The following STAT3 variants were observed in gnomAD, a reference collection of about 807,000 sequenced individuals.
STAT3 encodes the protein signal transducer and activator of transcription 3.
In STAT3, 7 loss-of-function variants were observed where a neutral mutation model predicts 114.3. The ratio of observed to expected loss-of-function variants is 0.06; its 90% CI spans 0.03 to 0.11. STAT3 has a LOEUF of 0.11. STAT3 is among the 10% of genes least tolerant of loss of function. The pLI, the probability that STAT3 is intolerant of heterozygous loss-of-function variation, is 1.00. For missense variants in STAT3, 364 were observed against 960.9 expected (o/e 0.38, Z 8.21); for synonymous variants, 331 against 354.5 (o/e 0.93, Z 0.74).
chr17:42,325,284 C>T (rs1027348636), intron 15 of STAT3: 13 of 533,138 alleles, frequency 2.4e-5, no homozygotes, highest in African/African-American at 1.5e-4. Context: ...CGGAATATAC[C>T]GGTCCCTTGT....
chr17:42,372,591 G>C (rs1171142283), intron 1 of STAT3, among the ~76,000 whole-genome samples: 1 of 152,182 alleles, frequency 6.6e-6, no homozygotes, highest in African/African-American at 2.4e-5. Flanking sequence ...TTCTAGGGCA[G>C]TAAAACTATT....
chr17:42,350,455 A>T (rs956021759), intron 1 of STAT3, among the ~76,000 whole-genome samples: 19 of 152,146 alleles, frequency 1.2e-4, no homozygotes, highest in South Asian at 4.1e-4. Flanking sequence ...TAATTTTTTT[A>T]AAAAAATTTT....
intron 4 of STAT3, 169 bp downstream of exon 4, chr17:42,345,390 G>A (rs1490452935): frequency 4.2e-5 from 27 of 635,888 alleles, no homozygotes; most frequent in Non-Finnish European, 7.2e-5. Flanking sequence ...TGTATTTTGG[G>A]GGGTGGAACT....
intron 1 of STAT3, 109 bp from the exon 2 acceptor site, chr17:42,348,648 T>C: frequency 1.6e-6 from 2 of 1,267,076 alleles, no homozygotes. Context: ...GGGATAAAGA[T>C]GCTCTGGGGA....
At chr17:42,338,679 A>C (rs2082319845) in intron 6 of STAT3, 52 bp downstream of exon 6, 1 of 1,549,196 alleles carries the variant, frequency 6.5e-7, no homozygotes, top group Non-Finnish European at 8.9e-7. Context: ...CTTTCAACTC[A>C]ACAACACAAA....
intron 2 of STAT3, among the ~76,000 whole-genome samples, chr17:42,348,159 C>A (rs968228168): frequency 1.3e-5 from 2 of 152,192 alleles, no homozygotes; most frequent in African/African-American, 4.8e-5. Flanking sequence ...AAGACATCCA[C>A]CACCATACAG....
chr17:42,324,355 A>G lies in STAT3; in HGVS notation c.1600+356T>C, dbSNP rs1203260815. 6.6e-6 allele frequency among the ~76,000 whole-genome samples: 1 copy of G among 152,052 alleles called. No individual in the cohort carries two copies. Among genetic ancestry groups the G allele is most frequent in the Non-Finnish European group, 1.5e-5 (1 of 68,004 alleles). ...AAATAAATAAAATAAGACAAAAAAA[A>G]CCAACTAGCCTATAGTTTATTAAAA... On this transcript the variant is annotated intron_variant, in intron 17 of 23. Coordinates refer to ENST00000264657, the MANE Select transcript of STAT3 (RefSeq NM_139276.3). This position sits in a 1 kb window ranked among gnomAD's most constrained non-coding sequence, Gnocchi z 4.5.
chr17:42,377,343 C>T (rs1474261271), intron 1 of STAT3, among the ~76,000 whole-genome samples: 2 of 152,032 alleles, frequency 1.3e-5, no homozygotes, highest in Non-Finnish European at 2.9e-5. Context: ...CACAGCCTCC[C>T]GAGTAGCTGG....
At chr17:42,346,448 T>C in intron 3 of STAT3, 121 bp downstream of exon 3, 1 of 1,452,284 alleles carries the variant, frequency 6.9e-7, no homozygotes, top group South Asian at 1.2e-5. Flanking sequence ...CTCCTGTGAT[T>C]GAAAATACAA....
intron 1 of STAT3, among the ~76,000 whole-genome samples, chr17:42,371,356 G>A (rs566205622): frequency 2.6e-5 from 4 of 152,048 alleles, no homozygotes; most frequent in Non-Finnish European, 5.9e-5. Flanking sequence ...TCATCACAGC[G>A]GCTAACACGT....
chr17:42,357,533 A>G (rs1007540331), intron 1 of STAT3, among the ~76,000 whole-genome samples: 4 of 152,128 alleles, frequency 2.6e-5, no homozygotes, highest in Admixed American at 2.0e-4. Context: ...TTAGCCAGGC[A>G]TGGTGAAATA....
intron 4 of STAT3, among the ~76,000 whole-genome samples, chr17:42,340,383 T>TG (rs1471580319): frequency 2.7e-5 from 4 of 149,898 alleles, no homozygotes; most frequent in African/African-American, 9.8e-5. Context: ...ATTACAGGCT[T>TG]GGGCTAGGCA....
intron 1 of STAT3, among the ~76,000 whole-genome samples, chr17:42,352,068 C>T (rs1367529918): frequency 6.6e-6 from 1 of 151,976 alleles, no homozygotes; most frequent in Non-Finnish European, 1.5e-5. Context: ...AGGCTGGGCA[C>T]GGTGGCTCAC....
intron 1 of STAT3, among the ~76,000 whole-genome samples, chr17:42,379,374 G>A (rs2084649567): frequency 6.6e-6 from 1 of 152,160 alleles, no homozygotes; most frequent in African/African-American, 2.4e-5. Context: ...ACACTGTTCT[G>A]AATACAGATT....
intron 1 of STAT3, among the ~76,000 whole-genome samples, chr17:42,352,364 C>T (rs377386022): frequency 6.6e-6 from 1 of 152,020 alleles, no homozygotes; most frequent in Non-Finnish European, 1.5e-5. Context: ...TACTTGCCAC[C>T]TTCCACCCTA....
intron 1 of STAT3, among the ~76,000 whole-genome samples, chr17:42,358,916 T>G (rs1253063673): frequency 6.7e-6 from 1 of 148,536 alleles, no homozygotes; most frequent in Non-Finnish European, 1.5e-5. Flanking sequence ...GGGTCTCCCT[T>G]TCATGGACAT....
chr17:42,381,367 C>T (rs546530911), intron 1 of STAT3, among the ~76,000 whole-genome samples: 12 of 152,184 alleles, frequency 7.9e-5, no homozygotes, highest in South Asian at 6.2e-4. Flanking sequence ...GCCGGATCGT[C>T]GAAGCATTAT....
intron 21 of STAT3, 170 bp from the exon 22 acceptor site, chr17:42,317,394 C>T: frequency 1.4e-6 from 1 of 737,010 alleles, no homozygotes; most frequent in East Asian, 2.7e-5. Flanking sequence ...CTCATTTATA[C>T]TATTTGATCT....
In STAT3 at chr17:42,316,771, T is replaced by C. The variant is rs1329100311; in HGVS notation, c.2257+18A>G. On this transcript the variant is annotated intron_variant, in intron 23 of 23. Coordinates refer to ENST00000264657, the MANE Select transcript of STAT3 (RefSeq NM_139276.3). The stretch of plus-strand genomic sequence containing the variant: ...CAACTTCCCTTATAGGGACAAAGTC[T>C]GTCAACCAAATACTCACCAAACTGC... 4 of 1,613,954 alleles carry C rather than the reference T, an allele frequency of 2.5e-6. No individual in the cohort carries two copies. The highest frequency in any genetic ancestry group is 3.4e-6 in the Non-Finnish European group (4 of 1,179,954).
Sources: allele counts gnomAD v4.1 joint callset (sites outside exome capture counted in the v4.1 genomes callset), GRCh38; gene constraint gnomAD v4.1.1; non-coding constraint Gnocchi (gnomAD v3.1); transcripts MANE v1.5; gene names NCBI Gene and HGNC (gene_info 2026-07-23, HGNC 2026-07-21).